Variants in ELAVL2 observed in about 807,000 individuals in gnomAD.
ELAVL2 encodes the protein ELAV-like protein 2.
ELAVL2 carries 4 observed loss-of-function variants against 34.6 expected under a neutral mutation model. The ratio of observed to expected loss-of-function variants is 0.12; its 90% CI spans 0.06 to 0.26. The LOEUF is 0.26. Ranked by LOEUF, ELAVL2 falls within the 10% of genes least tolerant of loss-of-function variation. ELAVL2 has a pLI of 1.00. For missense variants in ELAVL2, 432 were observed against 442.8 expected, an observed-to-expected ratio of 0.98 and a Z score of 0.22; for synonymous variants, 193 against 154.8, an observed-to-expected ratio of 1.25 and a Z score of -1.83.
At chr9:23,717,563 T>A (rs2042631596) in intron 3 of ELAVL2, among the ~76,000 whole-genome samples, 1 of 152,234 alleles carries the variant, frequency 6.6e-6, no homozygotes, top group Admixed American at 6.5e-5. Context: ...TCTGTGCTTT[T>A]GAATGAGACA....
At chr9:23,786,801 A>AG (rs1255906145) in intron 1 of ELAVL2, among the ~76,000 whole-genome samples, 6 of 148,506 alleles carry the variant, frequency 4.0e-5, no homozygotes, top group African/African-American at 7.5e-5. Context: ...AAAAAAAAAA[A>AG]AAGAGAGAGA....
intron 1 of ELAVL2, among the ~76,000 whole-genome samples, chr9:23,810,146 TA>T (rs1196036616): frequency 6.6e-6 from 1 of 152,064 alleles, no homozygotes; most frequent in Admixed American, 6.5e-5. Flanking sequence ...AACAGCATCC[TA>T]AAAAAAGCCT....
chr9:23,718,571 G>A (rs866135025), intron 3 of ELAVL2, among the ~76,000 whole-genome samples: 2 of 152,118 alleles, frequency 1.3e-5, no homozygotes, highest in Non-Finnish European at 2.9e-5. Context: ...TGTAAGGCAC[G>A]TATGATAAAG....
chr9:23,785,914 ATAAG>A (rs1343425817), intron 1 of ELAVL2, among the ~76,000 whole-genome samples: 3 of 152,206 alleles, frequency 2.0e-5, no homozygotes, highest in Non-Finnish European at 4.4e-5. Context: ...AGATTGTAAA[ATAAG>A]TAAGAATCCC....
At chr9:23,836,054 T>C in the ELAVL2 span, among the ~76,000 whole-genome samples, 5 of 152,318 alleles carry the variant, frequency 3.3e-5, no homozygotes, top group South Asian at 1.0e-3. Context: ...TTTATTGCCA[T>C]TTCACACTAA....
chr9:23,718,589 C>T (rs1027272008), intron 3 of ELAVL2, among the ~76,000 whole-genome samples: 7 of 152,040 alleles, frequency 4.6e-5, no homozygotes, highest in Admixed American at 2.0e-4. Flanking sequence ...AAGGAGAAAG[C>T]AAGGAAAAAG....
At chr9:23,746,960 T>C (rs1020817495) in intron 2 of ELAVL2, among the ~76,000 whole-genome samples, 2 of 152,024 alleles carry the variant, frequency 1.3e-5, no homozygotes, top group African/African-American at 4.8e-5. Flanking sequence ...CAAGCACCAA[T>C]TTAGAACATC....
In ELAVL2 at chr9:23,773,323, G is replaced by A. The variant is rs1428577198; in HGVS notation, c.-15-11074C>T. On this transcript the variant is annotated intron_variant, in intron 1 of 6. Coordinates refer to ENST00000397312, the MANE Select transcript of ELAVL2 (RefSeq NM_004432.5). ...ACATCAGGCACATACACCCAATTTC[G>A]AACAACCCCCTAACAGAGAAAGGGG... Among the ~76,000 whole-genome samples the A allele has an allele frequency of 2.6e-5, 4 of 152,090 alleles. No homozygotes were observed. The East Asian group carries it at 5.8e-4, about 22-fold the overall frequency.
intron 2 of ELAVL2, among the ~76,000 whole-genome samples, chr9:23,734,766 G>A (rs577060381): frequency 2.7e-4 from 41 of 151,868 alleles, no homozygotes; most frequent in African/African-American, 9.4e-4. Flanking sequence ...GCATATTTCT[G>A]GTTATAAATG....
intron 3 of ELAVL2, among the ~76,000 whole-genome samples, chr9:23,717,344 A>T (rs574200191): frequency 1.3e-5 from 2 of 152,298 alleles, no homozygotes; most frequent in South Asian, 4.1e-4. Context: ...TCTACGAGCA[A>T]ATTACTTGAT....
At chr9:23,787,540 A>C (rs770290479) in intron 1 of ELAVL2, among the ~76,000 whole-genome samples, 11 of 150,656 alleles carry the variant, frequency 7.3e-5, no homozygotes, top group Non-Finnish European at 3.0e-5. Flanking sequence ...CCTCATCCCT[A>C]TTTTTCAAAT....
chr9:23,778,962 T>A (rs1429544313), intron 1 of ELAVL2, among the ~76,000 whole-genome samples: 2 of 152,094 alleles, frequency 1.3e-5, no homozygotes, highest in East Asian at 3.9e-4. Context: ...GGGGGCTGAG[T>A]TTGAGACAGT....
At position 23,784,874 on chromosome 9, in the gene ELAVL2, T is replaced by G. The variant is rs191102178; in HGVS notation, c.-15-22625A>C. The stretch of plus-strand genomic sequence containing the variant: ...ATCCGTAGGGAAAAATAAGTAGACT[T>G]GGGCCTAAATGCCAAGTACTTCACT... On this transcript the variant is annotated intron_variant, in intron 1 of 6. Transcript: ENST00000397312. 4.8e-3 allele frequency among the ~76,000 whole-genome samples: 729 copies of G among 152,348 alleles called. 5 individuals carry two copies. Among genetic ancestry groups the G allele is most frequent in the Non-Finnish European group, 6.6e-3 (448 of 68,030 alleles).
chr9:23,751,781 C>T (rs2052114515), intron 2 of ELAVL2, among the ~76,000 whole-genome samples: 1 of 152,080 alleles, frequency 6.6e-6, no homozygotes, highest in South Asian at 2.1e-4. Flanking sequence ...TTGAGAGCAC[C>T]TTCATATTTT....
chr9:23,787,801 G>A (rs1434115766), intron 1 of ELAVL2, among the ~76,000 whole-genome samples: 1 of 152,142 alleles, frequency 6.6e-6, no homozygotes, highest in Non-Finnish European at 1.5e-5. Context: ...GAGAACCACT[G>A]TAAAAGACTT....
At chr9:23,698,000 T>A (rs2035857944) in intron 5 of ELAVL2, among the ~76,000 whole-genome samples, 1 of 152,046 alleles carries the variant, frequency 6.6e-6, no homozygotes, top group Non-Finnish European at 1.5e-5. Flanking sequence ...GGAAAAGTAT[T>A]CAAGGGGATT....
chr9:23,821,216 A>C (rs2064629400), intron 1 of ELAVL2: 1 of 152,578 alleles, frequency 6.6e-6, no homozygotes, highest in Admixed American at 6.5e-5. Flanking sequence ...CTTTCCCTCC[A>C]ATACACTCAC....
At chr9:23,751,339 A>C (rs1445230610) in intron 2 of ELAVL2, among the ~76,000 whole-genome samples, 1 of 152,308 alleles carries the variant, frequency 6.6e-6, no homozygotes, top group Admixed American at 6.5e-5. Context: ...TGCATCTGCT[A>C]AGTTAACCAT....
chr9:23,800,872 A>G (rs567395805), intron 1 of ELAVL2, among the ~76,000 whole-genome samples: 2 of 152,238 alleles, frequency 1.3e-5, no homozygotes, highest in East Asian at 3.9e-4. Context: ...TCCTCAGAGG[A>G]TCCTATTCAC....
Sources: gnomAD v4.1 joint callset for allele counts (sites outside exome capture counted in the v4.1 genomes callset) on GRCh38, gnomAD v4.1.1 for gene constraint, MANE v1.5 for transcripts, NCBI Gene and HGNC (gene_info 2026-07-23, HGNC 2026-07-21) for gene names.